Variants in GLT1D1 observed in about 807,000 individuals in gnomAD.
The protein encoded by GLT1D1 is glycosyltransferase 1 domain containing 1, also known as glycosyltransferase 1 domain-containing protein 1.
Under a neutral mutation model 28.7 loss-of-function variants are expected in GLT1D1, and 21 were observed. The ratio of observed to expected loss-of-function variants is 0.73; its 90% CI spans 0.52 to 1.05. GLT1D1 has a LOEUF of 1.05. Among genes scored for constraint, GLT1D1 ranks in the 50% least tolerant of loss-of-function variants. The pLI is 0.00. For synonymous variants in GLT1D1, 147 were observed against 124.8 expected (o/e 1.18, Z -1.19); for missense variants, 343 against 330.6 (o/e 1.04, Z -0.29).
chr12:128,895,748 C>T (rs1049978585), intron 3 of GLT1D1, among the ~76,000 whole-genome samples: 5 of 152,056 alleles, frequency 3.3e-5, no homozygotes, highest in East Asian at 1.9e-4. Context: ...CGTGAACCAC[C>T]GCTTCCGGCC....
At chr12:128,912,824 G>GAAAA (rs1871685820) in intron 4 of GLT1D1, among the ~76,000 whole-genome samples, 2 of 151,332 alleles carry the variant, frequency 1.3e-5, no homozygotes, top group African/African-American at 4.8e-5. Context: ...GAGCCGCCAT[G>GAAAA]CCCAGCTGAT....
chr12:128,884,630 C>T (rs1430530998), intron 2 of GLT1D1, among the ~76,000 whole-genome samples: 7 of 152,000 alleles, frequency 4.6e-5, no homozygotes, highest in African/African-American at 1.7e-4. Flanking sequence ...GCCTGGCCAA[C>T]ATAGTGAAAC....
chr12:128,889,075 C>T (rs1868729159), intron 3 of GLT1D1, among the ~76,000 whole-genome samples: 1 of 152,010 alleles, frequency 6.6e-6, no homozygotes, highest in African/African-American at 2.4e-5. Flanking sequence ...GCCCAGGAGC[C>T]CAAGGCTACA....
rs796803424 is a variant in GLT1D1 at position 128,977,772 on chromosome 12, C to CT, written c.640-5151dup. ...TGCCTTGTGAGTTCTTTTCTTTTTT[C>CT]TTTTTTCTTTTTTTTTTTTTTTTGA... On this transcript the variant is annotated intron_variant, in intron 7 of 7. Transcript: ENST00000281703. Among the ~76,000 whole-genome samples, 6 of 26,110 alleles carry CT rather than the reference C, an allele frequency of 2.3e-4. 1 individual carries two copies. The highest frequency in any genetic ancestry group is 2.8e-4 in the African/African-American group (3 of 10,568). The allele number at this position is 26,110 out of a possible 152,430, so 17.1% of individuals were successfully genotyped here. A position where few individuals can be genotyped will look rare whatever the true frequency, so the allele number is the denominator to read the frequency against.
intron 7 of GLT1D1, among the ~76,000 whole-genome samples, chr12:128,980,747 T>C (rs470858): frequency 1 from 152,013 of 152,346 alleles, 75,840 homozygotes; most frequent in East Asian, 1. Flanking sequence ...TGAAGCTTTG[T>C]GTGGAAGGCA....
At chr12:128,923,785 G>A (rs568735717) in intron 4 of GLT1D1, among the ~76,000 whole-genome samples, 3 of 152,098 alleles carry the variant, frequency 2.0e-5, no homozygotes, top group African/African-American at 7.2e-5. Flanking sequence ...CTCCCACAAT[G>A]TTGGGATTAC....
At chr12:128,968,695 C>T (rs986711138) in intron 7 of GLT1D1, among the ~76,000 whole-genome samples, 3 of 152,066 alleles carry the variant, frequency 2.0e-5, no homozygotes, top group Non-Finnish European at 4.4e-5. Flanking sequence ...CAGATGTAAA[C>T]CTCACCCGAG....
rs1018516552 is a variant in GLT1D1, at chr12:128,853,498, T to C, written c.-84T>C. Reference sequence around the variant, plus strand: ...GCGGGACAGACCCAGCCGCCCCGGCTCCCCCGCCGTCCGCGTCTGCGCCGG... The same window carrying C: ...GCGGGACAGACCCAGCCGCCCCGGCCCCCCCGCCGTCCGCGTCTGCGCCGG... On this transcript the variant is annotated 5_prime_UTR_variant, in exon 1 of 8. Coordinates refer to ENST00000281703, the MANE Select transcript of GLT1D1 (RefSeq NM_144669.3). The C allele has an allele frequency of 1.0e-6, 1 of 974,696 alleles. No homozygotes were observed. The highest frequency in any genetic ancestry group is 1.2e-6 in the Non-Finnish European group (1 of 816,790). The allele number at this position is 974,696 out of a possible 1,614,324, so 60.4% of individuals were successfully genotyped here.
Position 128,946,854 on chromosome 12 carries a change from C to T in GLT1D1, c.420-484C>T, listed in dbSNP as rs190087118. Among the ~76,000 whole-genome samples the T allele has an allele frequency of 1.1e-3, 170 of 150,946 alleles. 1 individual carries two copies. The highest frequency in any genetic ancestry group is 2.0e-3 in the Non-Finnish European group (136 of 67,804). On this transcript the variant is annotated intron_variant, in intron 5 of 7. Transcript: ENST00000281703. ...AGTAGAGACGGGGTTTCGCCATGTT[C>T]GCCAGGCTGGTCTCCAACTTCTGAT...
intron 7 of GLT1D1, among the ~76,000 whole-genome samples, chr12:128,979,908 T>G (rs563340661): frequency 6.6e-6 from 1 of 152,350 alleles, no homozygotes; most frequent in African/African-American, 2.4e-5. Flanking sequence ...GTTTTGCATA[T>G]CTCATATAAT....
At chr12:128,912,389 G>A in intron 4 of GLT1D1, 35 bp from the exon 5 acceptor site, 1 of 1,452,598 alleles carries the variant, frequency 6.9e-7, no homozygotes, top group Non-Finnish European at 9.3e-7. Flanking sequence ...ACTGTCCAAT[G>A]TACTTTTCTT....
At chr12:128,948,146 A>C (rs1876317985) in intron 6 of GLT1D1, among the ~76,000 whole-genome samples, 2 of 152,150 alleles carry the variant, frequency 1.3e-5, no homozygotes, top group African/African-American at 4.8e-5. Context: ...CTTCTGTAAA[A>C]GATCCTGGCA....
chr12:128,968,290 C>A (rs539285143), intron 7 of GLT1D1, among the ~76,000 whole-genome samples: 1 of 151,834 alleles, frequency 6.6e-6, no homozygotes, highest in African/African-American at 2.4e-5. Context: ...CCACTGCGCC[C>A]GGTCACTTAT....
At chr12:128,915,024 A>C in intron 4 of GLT1D1, 35 bp downstream of exon 6, 1 of 1,475,272 alleles carries the variant, frequency 6.8e-7, no homozygotes, top group Middle Eastern at 1.7e-4. Context: ...GATTTTGATG[A>C]AGTGCATCTT....
intron 1 of GLT1D1, among the ~76,000 whole-genome samples, chr12:128,861,156 G>A (rs921165422): frequency 4.6e-5 from 7 of 152,194 alleles, no homozygotes; most frequent in Non-Finnish European, 8.8e-5. Flanking sequence ...GCGACAAACT[G>A]CTGCCTGCCC....
At chr12:128,915,459 G>A (rs372831934) in intron 4 of GLT1D1, among the ~76,000 whole-genome samples, 11 of 151,790 alleles carry the variant, frequency 7.2e-5, no homozygotes, top group African/African-American at 2.4e-4. Flanking sequence ...CTACCTCCCG[G>A]GTTCAAGTGA....
intron 1 of GLT1D1, chr12:128,864,125 T>C: frequency 1.5e-6 from 1 of 668,942 alleles, no homozygotes; most frequent in Non-Finnish European, 2.7e-6. Context: ...CCAGCTCGGC[T>C]GGGGCAGGAG....
chr12:128,863,863 G>C (rs772632754), intron 1 of GLT1D1, among the ~76,000 whole-genome samples: 1 of 150,084 alleles, frequency 6.7e-6, no homozygotes, highest in Non-Finnish European at 1.5e-5. Flanking sequence ...GGAGAATGGC[G>C]TGAACCCGGG....
chr12:128,878,881 C>G (rs556983319), intron 2 of GLT1D1, among the ~76,000 whole-genome samples: 4 of 152,144 alleles, frequency 2.6e-5, no homozygotes, highest in Non-Finnish European at 5.9e-5. Flanking sequence ...TCCTAAAGTG[C>G]TGAGATTAAA....
Sources: allele counts gnomAD v4.1 joint callset (sites outside exome capture counted in the v4.1 genomes callset), GRCh38; gene constraint gnomAD v4.1.1; transcripts MANE v1.5; gene names NCBI Gene and HGNC (gene_info 2026-07-23, HGNC 2026-07-21).